The following KDM4D variants were observed in gnomAD, a reference collection of about 807,000 sequenced individuals.
KDM4D encodes the protein lysine demethylase 4D, also known as lysine-specific demethylase 4D.
For synonymous variants in KDM4D, 254 were observed against 249.1 expected, an observed-to-expected ratio of 1.02 and a Z score of -0.19; for missense variants, 427 against 674.8, an observed-to-expected ratio of 0.63 and a Z score of 4.07.
At chr11:94,986,038 A>G (rs139107859) in intron 2 of KDM4D, among the ~76,000 whole-genome samples, 185 of 152,314 alleles carry the variant, frequency 1.2e-3, no homozygotes, top group African/African-American at 4.3e-3. Flanking sequence ...AACAACAAAA[A>G]TTGATAAGAC....
rs76057256 is a variant in KDM4D at position 94,998,442 on chromosome 11, A to G, written c.1070A>G (p.Glu357Gly). The change falls in exon 3 of 3, where the codon GAG becomes GGG. Residue 357 changes from glutamate to glycine, a missense_variant. Glu to Gly is a moderately conservative substitution (Grantham distance 98). Transcript: ENST00000335080. The surrounding 1 kb of genome is among the most constrained non-coding windows in gnomAD (Gnocchi z 6.7). Reference protein sequence around the residue: ...HMEPRVPASQELSTQKEVQLP... With the variant: ...HMEPRVPASQGLSTQKEVQLP... The stretch of plus-strand genomic sequence containing the variant: ...GAGCCCAGGGTACCAGCCAGCCAAG[A>G]GCTGAGCACCCAGAAGGAAGTCCAG... 4.1e-3 allele frequency: 6,621 copies of G among 1,613,644 alleles called. 102 individuals carry two copies. Among genetic ancestry groups the G allele is most frequent in the South Asian group, 0.036 (3,265 of 91,090 alleles).
In KDM4D at chr11:94,998,215, TGGCTTCAACCATGGTTTCAACTGCGCAGA is replaced by T. The variant is rs1857991743; in HGVS notation, c.847_875del (p.Phe283HisfsTer10). The T allele has an allele frequency of 6.2e-7, 1 of 1,614,112 alleles. No homozygotes were observed. The highest frequency in any genetic ancestry group is 1.3e-5 in the African/African-American group (1 of 74,944). ...TGACCTTTCCCTATGGCTACCATGC[TGGCTTCAACCATGGTTTCAACTGCGCAGA>T]GGCCATCAATTTTGCCACTCCGCGA... On this transcript the variant is annotated frameshift_variant, in exon 3 of 3. Coordinates refer to ENST00000335080, the MANE Select transcript of KDM4D (RefSeq NM_018039.3). LOFTEE classifies it low-confidence loss of function (END_TRUNC). This position sits in a 1 kb window ranked among gnomAD's most constrained non-coding sequence, Gnocchi z 6.7.
chr11:94,985,983 T>G (rs1242160628), intron 2 of KDM4D, among the ~76,000 whole-genome samples: 1 of 152,182 alleles, frequency 6.6e-6, no homozygotes, highest in Non-Finnish European at 1.5e-5. Context: ...TTTATGACAT[T>G]GAGCTGGGCA....
chr11:94,983,839 GA>G (rs1173993084), intron 2 of KDM4D, among the ~76,000 whole-genome samples: 2 of 152,136 alleles, frequency 1.3e-5, no homozygotes, highest in Non-Finnish European at 1.5e-5. Flanking sequence ...TGGAGAAACA[GA>G]AACTCCTATT....
At chr11:94,974,800 T>C (rs1267242133) in intron 1 of KDM4D, among the ~76,000 whole-genome samples, 1 of 152,234 alleles carries the variant, frequency 6.6e-6, no homozygotes, top group South Asian at 2.1e-4. Context: ...CCACTACCCT[T>C]GCCTTTGCCA....
chr11:94,974,143 A>G (rs1857774801), intron 1 of KDM4D, 75 bp downstream of exon 1: 1 of 152,260 alleles, frequency 6.6e-6, no homozygotes, highest in Admixed American at 6.5e-5. Context: ...TTTCTTATTT[A>G]AAAAACGTTA....
At chr11:94,988,210 AT>A (rs781905872) in intron 2 of KDM4D, among the ~76,000 whole-genome samples, 2 of 152,218 alleles carry the variant, frequency 1.3e-5, no homozygotes, top group Non-Finnish European at 2.9e-5. Flanking sequence ...CAGGTTTTGG[AT>A]TTTTGGAAGG....
rs75644909 is a variant in KDM4D at position 94,995,581 on chromosome 11, G to C, written c.-349-1443G>C. ...GGGAGGGGAGAAACAGTTTGAAGTTGAATAATAGCATAAAGTCAAAACTCA... is the reference window on the plus strand; with the variant it reads ...GGGAGGGGAGAAACAGTTTGAAGTTCAATAATAGCATAAAGTCAAAACTCA... On this transcript the variant is annotated intron_variant, in intron 2 of 2. Transcript: ENST00000335080. Among the ~76,000 whole-genome samples the C allele has an allele frequency of 8.3e-4, 127 of 152,194 alleles. 1 individual carries two copies. Among genetic ancestry groups the C allele is most frequent in the African/African-American group, 3.1e-3 (127 of 41,526 alleles).
rs998349853 is a variant in KDM4D at position 94,998,892 on chromosome 11, G to A, written c.1520G>A (p.Gly507Glu). 6.6e-7 allele frequency: 1 copy of A among 1,518,668 alleles called. No homozygotes were observed. 94.1% of individuals were successfully genotyped at this position (1,518,668 alleles called of 1,614,324 possible). ...GACAAGCCTGTACCACTGAGCCCAG[G>A]GCTCCAGCATCCTGTCAAGGCTTCT... ...LMDKPVPLSP[G>E]LQHPVKASGC... The change falls in exon 3 of 3, where the codon GGG becomes GAG. Residue 507 changes from glycine to glutamate, a missense_variant. Coordinates refer to ENST00000335080, the MANE Select transcript of KDM4D (RefSeq NM_018039.3). The surrounding 1 kb of genome is among the most constrained non-coding windows in gnomAD (Gnocchi z 6.7).
Position 94,985,873 on chromosome 11 carries a change from C to T in KDM4D, c.-350+10125C>T, listed in dbSNP as rs907812899. On this transcript the variant is annotated intron_variant, in intron 2 of 2. Transcript: ENST00000335080. ...CGATATCCACATACAAAAGAATGAA[C>T]TTGGATTCCTACCTCACAGCATACA... 2.0e-5 allele frequency among the ~76,000 whole-genome samples: 3 copies of T among 152,246 alleles called. No homozygotes were observed. In the East Asian group the frequency reaches 5.8e-4, roughly 29 times the overall value.
At chr11:94,974,412 G>A (rs990144484) in intron 1 of KDM4D, among the ~76,000 whole-genome samples, 2 of 152,176 alleles carry the variant, frequency 1.3e-5, no homozygotes, top group African/African-American at 2.4e-5. Context: ...ACGTATAGTA[G>A]CTGCTCAATT....
chr11:94,992,555 T>C (rs1857943699), intron 2 of KDM4D, among the ~76,000 whole-genome samples: 1 of 152,090 alleles, frequency 6.6e-6, no homozygotes, highest in Admixed American at 6.5e-5. Context: ...CAAAGTAAAT[T>C]TGATCAGTGT....
At position 94,997,972 on chromosome 11, in the gene KDM4D, C is replaced by T. The variant is rs199767727; in HGVS notation, c.600C>T (p.Ser200=). The change falls in exon 3 of 3, where the codon AGC becomes AGT. Residue 200 remains serine (S), a synonymous_variant. Coordinates refer to ENST00000335080, the MANE Select transcript of KDM4D (RefSeq NM_018039.3). ...ATACAGAGGACATGGACCTTTACAG[C>T]ATCAACTACCTGCACCTTGGGGAGC... ...AWHTEDMDLY[S]INYLHLGEPK... The T allele has an allele frequency of 4.3e-6, 7 of 1,614,220 alleles. No individual in the cohort carries two copies. In the Admixed American group the frequency reaches 8.3e-5, roughly 19 times the overall value.
At chr11:94,978,574 G>A (rs906530) in intron 2 of KDM4D, among the ~76,000 whole-genome samples, 92,354 of 151,988 alleles carry the variant, frequency 0.61, 28,685 homozygotes, top group Middle Eastern at 0.73. Context: ...GATGGTCCAG[G>A]CTGGGTTACT....
Position 94,997,582 on chromosome 11 carries a change from A to C in KDM4D, c.210A>C (p.Leu70Phe), listed in dbSNP as rs587661348. 1 of 1,613,924 alleles carries C rather than the reference A, an allele frequency of 6.2e-7. No individual in the cohort carries two copies. The highest frequency in any genetic ancestry group is 8.5e-7 in the Non-Finnish European group (1 of 1,179,966). Residue 70 changes from leucine to phenylalanine, a missense_variant, in exon 3 of 3, where the codon TTA (leucine) becomes TTC (phenylalanine). By Grantham distance (22) the Leu-to-Phe change is conservative. Transcript: ENST00000335080. ...RETYDNISEILIATPLQQVAS... is the reference protein window; with the variant it reads ...RETYDNISEIFIATPLQQVAS... ...CCTATGATAATATCAGTGAAATCTT[A>C]ATAGCCACTCCCCTCCAGCAGGTGG...
chr11:94,998,904 C>G lies in KDM4D; in HGVS notation c.1532C>G (p.Pro511Arg). Residue 511 changes from proline (P) to arginine (R), a missense_variant, in exon 3 of 3, where the codon CCT becomes CGT. By Grantham distance (103) the Pro-to-Arg change is moderately radical. Transcript: ENST00000335080. This position sits in a 1 kb window ranked among gnomAD's most constrained non-coding sequence, Gnocchi z 6.7. ...PVPLSPGLQH[P>R]VKASGCSWAP... ...CCACTGAGCCCAGGGCTCCAGCATCCTGTCAAGGCTTCTGGGTGCAGCTGG... is the reference window on the plus strand; with the variant it reads ...CCACTGAGCCCAGGGCTCCAGCATCGTGTCAAGGCTTCTGGGTGCAGCTGG... 2.0e-6 allele frequency: 3 copies of G among 1,514,624 alleles called. No individual in the cohort carries two copies. The highest frequency in any genetic ancestry group is 2.7e-6 in the Non-Finnish European group (3 of 1,131,528). The allele number at this position is 1,514,624 out of a possible 1,614,324, so 93.8% of individuals were successfully genotyped here.
rs373164535 is a variant in KDM4D, at chr11:94,998,771, C to T, written c.1399C>T (p.Leu467Phe). The change falls in exon 3 of 3, where the codon CTC becomes TTC. Residue 467 changes from leucine to phenylalanine, a missense_variant. Coordinates refer to ENST00000335080, the MANE Select transcript of KDM4D (RefSeq NM_018039.3). This position sits in a 1 kb window ranked among gnomAD's most constrained non-coding sequence, Gnocchi z 6.7. ...PQKLRAQELT[L>F]QTPAKRPLLA... ...GAAACTGAGAGCTCAGGAGCTGACC[C>T]TCCAGACTCCAGCCAAGAGGCCCCT... 1.2e-6 allele frequency: 2 copies of T among 1,609,718 alleles called. No individual in the cohort carries two copies. The highest frequency in any genetic ancestry group is 1.7e-6 in the Non-Finnish European group (2 of 1,176,702).
intron 2 of KDM4D, among the ~76,000 whole-genome samples, chr11:94,979,483 G>A (rs1004521380): frequency 6.6e-6 from 1 of 152,154 alleles, no homozygotes; most frequent in Admixed American, 6.5e-5. Context: ...ACCTGCCTCG[G>A]CCTTCCAAAG....
At chr11:94,985,639 AAAG>A (rs1857879006) in intron 2 of KDM4D, among the ~76,000 whole-genome samples, 1 of 152,358 alleles carries the variant, frequency 6.6e-6, no homozygotes, top group South Asian at 2.1e-4. Flanking sequence ...TCTTGAAAAA[AAAG>A]AAAAGAATTT....
Sources: allele counts gnomAD v4.1 joint callset (sites outside exome capture counted in the v4.1 genomes callset), GRCh38; gene constraint gnomAD v4.1.1; non-coding constraint Gnocchi (gnomAD v3.1); transcripts MANE v1.5; gene names NCBI Gene and HGNC (gene_info 2026-07-23, HGNC 2026-07-21).